Variants in CRISPLD2 observed in about 807,000 individuals in gnomAD.
CRISPLD2 encodes cysteine-rich secretory protein LCCL domain-containing 2.
CRISPLD2 carries 47 observed loss-of-function variants against 71.1 expected under a neutral mutation model. The ratio of observed to expected loss-of-function variants is 0.66; its 90% CI spans 0.52 to 0.84. The LOEUF is 0.84. CRISPLD2 is among the 40% of genes least tolerant of loss of function. CRISPLD2 has a pLI of 0.00. For synonymous variants in CRISPLD2, 317 were observed against 250.1 expected (o/e 1.27, Z -2.52); for missense variants, 830 against 651.1 (o/e 1.27, Z -2.99).
chr16:84,903,534 A>T (rs2071774225), intron 14 of CRISPLD2, among the ~76,000 whole-genome samples: 1 of 151,396 alleles, frequency 6.6e-6, no homozygotes, highest in South Asian at 2.1e-4. Context: ...GGCGGTTGCA[A>T]TGAGCCGAGA....
At chr16:84,857,565 G>T (rs1313960166) in intron 6 of CRISPLD2, among the ~76,000 whole-genome samples, 2 of 152,186 alleles carry the variant, frequency 1.3e-5, no homozygotes, top group East Asian at 3.9e-4. Flanking sequence ...TGTACAGCCA[G>T]GTGCACTGCT....
At position 84,841,769 on chromosome 16, in the gene CRISPLD2, T is replaced by C. The variant is rs60791168; in HGVS notation, c.240+3034T>C. Among the ~76,000 whole-genome samples the C allele has an allele frequency of 7.5e-3, 1,134 of 152,206 alleles. 12 individuals are homozygous for C. Among genetic ancestry groups the C allele is most frequent in the African/African-American group, 0.026 (1,081 of 41,520 alleles). On this transcript the variant is annotated intron_variant, in intron 2 of 14. Transcript: ENST00000262424. ...CACCACCATGGCCAGCTAATTTTTGTATTTTTAGTAGAGACGGTGTTTGCC... is the reference window on the plus strand; with the variant it reads ...CACCACCATGGCCAGCTAATTTTTGCATTTTTAGTAGAGACGGTGTTTGCC...
chr16:84,891,484 C>A (rs1016765704), intron 14 of CRISPLD2, among the ~76,000 whole-genome samples: 15 of 152,152 alleles, frequency 9.9e-5, no homozygotes, highest in Admixed American at 3.3e-4. Flanking sequence ...GCACGTGCGG[C>A]CTTTGATTGG....
chr16:84,847,608 A>AGCCAGGATTGCT (rs1187452417), intron 3 of CRISPLD2, among the ~76,000 whole-genome samples: 1 of 151,540 alleles, frequency 6.6e-6, no homozygotes, highest in Non-Finnish European at 1.5e-5. Context: ...CCAGGATTGC[A>AGCCAGGATTGCT]CCATTGTACT....
At chr16:84,890,723 A>G (rs922539974) in intron 14 of CRISPLD2, among the ~76,000 whole-genome samples, 2 of 151,926 alleles carry the variant, frequency 1.3e-5, no homozygotes, top group African/African-American at 4.8e-5. Flanking sequence ...TGAACCCGGG[A>G]GGTAGAGGCT....
intron 13 of CRISPLD2, among the ~76,000 whole-genome samples, chr16:84,884,165 A>G (rs2071591951): frequency 6.6e-6 from 1 of 151,790 alleles, no homozygotes; most frequent in Non-Finnish European, 1.5e-5. Context: ...CTTCACAGTA[A>G]CCCTCTTCTT....
chr16:84,900,834 T>A (rs952024713), intron 14 of CRISPLD2, among the ~76,000 whole-genome samples: 2 of 152,122 alleles, frequency 1.3e-5, no homozygotes, highest in South Asian at 4.1e-4. Flanking sequence ...GAAGGATTGC[T>A]TGAGCCCAGG....
rs570035929 is a variant in CRISPLD2, at chr16:84,866,948, C to T, written c.761C>T (p.Thr254Met). ...PETDEMNEVE[T>M]APIPEENHVW... ...ACGGACGAGATGAATGAGGTGGAAACGGCTCCCATTCCTGAAGAAAACCAT... is the reference window on the plus strand; with the variant it reads ...ACGGACGAGATGAATGAGGTGGAAATGGCTCCCATTCCTGAAGAAAACCAT... The change falls in exon 7 of 15, where the codon ACG (threonine) becomes ATG (methionine). Residue 254 changes from threonine (T) to methionine (M), a missense_variant. Coordinates refer to ENST00000262424, the MANE Select transcript of CRISPLD2 (RefSeq NM_031476.4). The T allele has an allele frequency of 9.9e-6, 16 of 1,613,960 alleles. No homozygotes were observed. The highest frequency in any genetic ancestry group is 2.7e-5 in the African/African-American group (2 of 75,006).
rs188995306 is a variant in CRISPLD2 at position 84,874,877 on chromosome 16, T to C, written c.1156+914T>C. The stretch of plus-strand genomic sequence containing the variant: ...ATTCAAAGTATGTACATTGGTAATA[T>C]ATACATCGATGACTTTTAAAACTTG... On this transcript the variant is annotated intron_variant, in intron 11 of 14. Coordinates refer to ENST00000262424, the MANE Select transcript of CRISPLD2 (RefSeq NM_031476.4). Among the ~76,000 whole-genome samples, 132 of 152,322 alleles carry C rather than the reference T, an allele frequency of 8.7e-4. 2 individuals are homozygous for C. The highest frequency in any genetic ancestry group is 3.9e-4 in the East Asian group (2 of 5,188).
chr16:84,846,958 T>C (rs538865090), intron 3 of CRISPLD2, among the ~76,000 whole-genome samples: 43 of 152,304 alleles, frequency 2.8e-4, no homozygotes, highest in African/African-American at 9.6e-4. Flanking sequence ...GCTGGTTTCA[T>C]TGGAGAAAGT....
At chr16:84,902,453 G>T (rs146173232) in intron 14 of CRISPLD2, among the ~76,000 whole-genome samples, 1 of 151,272 alleles carries the variant, frequency 6.6e-6, no homozygotes, top group Admixed American at 6.6e-5. Context: ...ACTAAAAATA[G>T]AAAAAAATTA....
Position 84,849,514 on chromosome 16 carries a change from A to G in CRISPLD2, c.489A>G (p.Thr163=). 1.9e-6 allele frequency: 3 copies of G among 1,613,850 alleles called. No individual in the cohort carries two copies. The highest frequency in any genetic ancestry group is 2.5e-6 in the Non-Finnish European group (3 of 1,179,858). ...CGGGGCCCATGTGCACGCACTACAC[A>G]CAGGTAACTCGGGGACTTGCCACGA... is the stretch of plus-strand genomic sequence containing the variant. ...RCSGPMCTHY[T]QIVWATTNKI... Residue 163 remains threonine, a synonymous_variant, in exon 4 of 15, where the codon ACA becomes ACG. Transcript: ENST00000262424.
At position 84,906,644 on chromosome 16, in the gene CRISPLD2, T is replaced by A. The variant is rs1351831453; in HGVS notation, c.*2T>A. ...CGGATCTTTGCTGTCAGGCAGTGAA[T>A]TTCCAGCACCAGGGGAGAAGGGGCG... is the stretch of plus-strand genomic sequence containing the variant. On this transcript the variant is annotated 3_prime_UTR_variant, in exon 15 of 15. Transcript: ENST00000262424. The A allele has an allele frequency of 6.2e-7, 1 of 1,614,120 alleles. No individual in the cohort carries two copies. The highest frequency in any genetic ancestry group is 2.2e-5 in the East Asian group (1 of 44,886).
intron 1 of CRISPLD2, among the ~76,000 whole-genome samples, chr16:84,822,289 C>A (rs1226511832): frequency 6.6e-6 from 1 of 152,198 alleles, no homozygotes; most frequent in African/African-American, 2.4e-5. Flanking sequence ...AAGAAGACTG[C>A]GAGGTCTCTT....
At chr16:84,890,951 G>C (rs149528693) in intron 14 of CRISPLD2, among the ~76,000 whole-genome samples, 147 of 152,260 alleles carry the variant, frequency 9.7e-4, no homozygotes, top group African/African-American at 3.4e-3. Flanking sequence ...ATTTTTAGTA[G>C]AGATTGGATC....
intron 14 of CRISPLD2, 82 bp from the exon 15 acceptor site, chr16:84,906,506 C>T (rs2071803547): frequency 1.4e-6 from 2 of 1,465,380 alleles, no homozygotes; most frequent in African/African-American, 2.8e-5. Context: ...AGGAGGCACC[C>T]AGGTCTCCCT....
At position 84,849,399 on chromosome 16, in the gene CRISPLD2, G is replaced by A. The variant is rs756045553; in HGVS notation, c.374G>A (p.Gly125Glu). Residue 125 changes from glycine to glutamate, a missense_variant, in exon 4 of 15, where the codon GGG becomes GAG. Transcript: ENST00000262424. ...CTGCCCTGCAGGTATCGCTCTCCGGGGTTCCATGTGCAGTCCTGGTATGAC... is the reference window on the plus strand; with the variant it reads ...CTGCCCTGCAGGTATCGCTCTCCGGAGTTCCATGTGCAGTCCTGGTATGAC... ...GAHWGRYRSP[G>E]FHVQSWYDEV... 9.9e-6 allele frequency: 16 copies of A among 1,613,584 alleles called. No homozygotes were observed. The highest frequency in any genetic ancestry group is 1.3e-5 in the African/African-American group (1 of 74,924).
intron 9 of CRISPLD2, among the ~76,000 whole-genome samples, 171 bp downstream of exon 9, chr16:84,872,679 C>A (rs367754049): frequency 5.3e-5 from 8 of 152,296 alleles, no homozygotes; most frequent in African/African-American, 1.9e-4. Flanking sequence ...CTAGCAAAGC[C>A]ACTTTCGGGG....
Position 84,854,836 on chromosome 16 carries a change from A to C in CRISPLD2, c.709+7A>C, listed in dbSNP as rs2646128. Reference sequence around the variant, plus strand: ...AACAACTTGTGTTACCGAGGTAGGAAATTTACTCCCAACACTTTTGCAATG... The same window carrying C: ...AACAACTTGTGTTACCGAGGTAGGACATTTACTCCCAACACTTTTGCAATG... On this transcript the variant is annotated splice_region_variant and intron_variant, in intron 6 of 14. Transcript: ENST00000262424. The C allele has an allele frequency of 5.8e-5, 93 of 1,605,832 alleles. 1 individual carries two copies. In the African/African-American group the frequency reaches 8.0e-4, roughly 14 times the overall value.
Sources: allele counts gnomAD v4.1 joint callset (sites outside exome capture counted in the v4.1 genomes callset), GRCh38; gene constraint gnomAD v4.1.1; transcripts MANE v1.5; gene names NCBI Gene and HGNC (gene_info 2026-07-23, HGNC 2026-07-21).